The following MS4A5 variants were observed in gnomAD, a reference collection of about 807,000 sequenced individuals.
MS4A5 encodes the protein membrane-spanning 4-domains subfamily A member 5.
MS4A5 carries 15 observed loss-of-function variants against 18.2 expected under a neutral mutation model. That is an observed-to-expected ratio of 0.83 (90% confidence interval 0.55 to 1.27). The LOEUF (loss-of-function observed/expected upper bound fraction) is 1.27. Among genes scored for constraint, MS4A5 ranks in the 50% most tolerant of loss-of-function variants. The pLI is 0.00. For missense variants in MS4A5, 232 were observed against 225.7 expected, an observed-to-expected ratio of 1.03 and a Z score of -0.18; for synonymous variants, 89 against 78.7, an observed-to-expected ratio of 1.13 and a Z score of -0.69.
intron 4 of MS4A5, among the ~76,000 whole-genome samples, chr11:60,447,307 G>A (rs202218884): frequency 6.8e-4 from 95 of 139,644 alleles, no homozygotes; most frequent in South Asian, 1.7e-3. Flanking sequence ...ATCCTATGCT[G>A]TGCTATGCTA....
At chr11:60,447,114 C>CCTATGCTATCCTATG (rs2086143156) in intron 4 of MS4A5, among the ~76,000 whole-genome samples, 1 of 139,264 alleles carries the variant, frequency 7.2e-6, no homozygotes, top group East Asian at 2.0e-4. Context: ...TGTTAGCTAT[C>CCTATGCTATCCTATG]CTATGCTATC....
Position 60,442,243 on chromosome 11 carries a change from T to C in MS4A5, c.493-5406T>C, listed in dbSNP as rs369749937. Reference sequence around the variant, plus strand: ...TGTATAACATATTTTGAAGTACATATATGCATTGTGGAATGTTTACATCTA... The same window carrying C: ...TGTATAACATATTTTGAAGTACATACATGCATTGTGGAATGTTTACATCTA... On this transcript the variant is annotated intron_variant, in intron 4 of 4. Coordinates refer to ENST00000300190, the MANE Select transcript of MS4A5 (RefSeq NM_023945.3). Among the ~76,000 whole-genome samples, 107 of 152,352 alleles carry C rather than the reference T, an allele frequency of 7.0e-4. 2 individuals carry two copies. The South Asian group carries it at 0.02, about 29-fold the overall frequency.
Position 60,437,678 on chromosome 11 carries a change from GC to G in MS4A5, c.492+3763del, listed in dbSNP as rs370395809. Among the ~76,000 whole-genome samples, 1,300 of 150,844 alleles carry G rather than the reference GC, an allele frequency of 8.6e-3. 14 individuals are homozygous for G. The highest frequency in any genetic ancestry group is 0.028 in the African/African-American group (1,139 of 41,180). On this transcript the variant is annotated intron_variant, in intron 4 of 4. Coordinates refer to ENST00000300190, the MANE Select transcript of MS4A5 (RefSeq NM_023945.3). Reference sequence around the variant, plus strand: ...ACAAAGATCAAAAGAGACAAAGAAGGCCATTACATAATGGTAAAGGGATCAA... The same window carrying G: ...ACAAAGATCAAAAGAGACAAAGAAGGCATTACATAATGGTAAAGGGATCAA...
chr11:60,438,752 T>A (rs912438116), intron 4 of MS4A5, among the ~76,000 whole-genome samples: 64 of 149,510 alleles, frequency 4.3e-4, no homozygotes, highest in African/African-American at 1.5e-3. Flanking sequence ...AATAGACCAA[T>A]AACAGGAGCT....
intron 3 of MS4A5, 78 bp downstream of exon 3, chr11:60,432,545 T>A: frequency 1.1e-6 from 1 of 913,148 alleles, no homozygotes; most frequent in South Asian, 1.6e-5. Flanking sequence ...CCCAGCACTT[T>A]GGGAGGCCAA....
chr11:60,446,299 A>C (rs1483489036), intron 4 of MS4A5, among the ~76,000 whole-genome samples: 1 of 152,202 alleles, frequency 6.6e-6, no homozygotes, highest in Non-Finnish European at 1.5e-5. Flanking sequence ...CCTAAGTATA[A>C]AGTAAAGCTC....
At chr11:60,430,976 G>C in intron 2 of MS4A5, 52 bp downstream of exon 2, 1 of 1,573,520 alleles carries the variant, frequency 6.4e-7, no homozygotes, top group Non-Finnish European at 8.6e-7. Flanking sequence ...CAGGATGTTA[G>C]GGAATTCTTC....
At chr11:60,439,326 TG>T (rs1300408671) in intron 4 of MS4A5, among the ~76,000 whole-genome samples, 1 of 80,350 alleles carries the variant, frequency 1.2e-5, no homozygotes, top group Non-Finnish European at 2.4e-5. Flanking sequence ...TCATACTGAA[TG>T]GGCAAAAACT....
At chr11:60,437,725 A>G (rs922192095) in intron 4 of MS4A5, among the ~76,000 whole-genome samples, 1 of 151,784 alleles carries the variant, frequency 6.6e-6, no homozygotes, top group Non-Finnish European at 1.5e-5. Flanking sequence ...AGAGCTAACT[A>G]TCCTGAATAT....
intron 4 of MS4A5, 146 bp downstream of exon 4, chr11:60,434,063 A>G: frequency 4.0e-6 from 3 of 747,324 alleles, no homozygotes; most frequent in Non-Finnish European, 6.5e-6. Context: ...AATATTTGAT[A>G]GACATTACAC....
At chr11:60,435,552 G>A (rs905238714) in intron 4 of MS4A5, 3 of 367,276 alleles carry the variant, frequency 8.2e-6, no homozygotes, top group African/African-American at 2.1e-5. Flanking sequence ...GCCAGACAGT[G>A]GGCGCAGGTC....
At chr11:60,440,932 T>G in intron 4 of MS4A5, among the ~76,000 whole-genome samples, 1 of 114,872 alleles carries the variant, frequency 8.7e-6, no homozygotes, top group Non-Finnish European at 1.8e-5. Flanking sequence ...ACTGGGTATA[T>G]ACCCAAAGGA....
intron 1 of MS4A5, 117 bp downstream of exon 1, chr11:60,429,944 T>C: frequency 3.0e-6 from 3 of 996,828 alleles, no homozygotes; most frequent in South Asian, 1.7e-5. Flanking sequence ...TAAGACAATG[T>C]GAATATAGAG....
intron 4 of MS4A5, among the ~76,000 whole-genome samples, chr11:60,445,746 A>G (rs2086135292): frequency 6.6e-6 from 1 of 152,224 alleles, no homozygotes; most frequent in Non-Finnish European, 1.5e-5. Flanking sequence ...AGGAAACTAC[A>G]ATGGCCAAAC....
At chr11:60,443,268 A>G (rs1219302535) in intron 4 of MS4A5, among the ~76,000 whole-genome samples, 1 of 152,234 alleles carries the variant, frequency 6.6e-6, no homozygotes, top group East Asian at 1.9e-4. Context: ...AACAAAATTC[A>G]AAGAATTGAA....
chr11:60,444,586 C>T (rs1393166602), intron 4 of MS4A5, among the ~76,000 whole-genome samples: 1 of 151,754 alleles, frequency 6.6e-6, no homozygotes, highest in Non-Finnish European at 1.5e-5. Flanking sequence ...AATAAAAAGG[C>T]CAAAAAAAGA....
chr11:60,440,547 T>C (rs76993943), intron 4 of MS4A5, among the ~76,000 whole-genome samples: 13,397 of 117,502 alleles, frequency 0.11, 790 homozygotes, highest in Middle Eastern at 0.21. Flanking sequence ...GGCTAATATC[T>C]AGAATCTACA....
Position 60,430,942 on chromosome 11 carries a change from A to G in MS4A5, c.282+18A>G. 6.3e-7 allele frequency: 1 copy of G among 1,599,934 alleles called. No individual in the cohort carries two copies. Among genetic ancestry groups the G allele is most frequent in the Non-Finnish European group, 8.5e-7 (1 of 1,176,722 alleles). On this transcript the variant is annotated intron_variant, in intron 2 of 4. Transcript: ENST00000300190. Reference sequence around the variant, plus strand: ...CTGTTTTGGTGAGTATAGTCAATCAAGTTCAATTTGAAGCCATGCCAACCA... The same window carrying G: ...CTGTTTTGGTGAGTATAGTCAATCAGGTTCAATTTGAAGCCATGCCAACCA...
chr11:60,437,244 G>A (rs1285337426), intron 4 of MS4A5, among the ~76,000 whole-genome samples: 12 of 148,986 alleles, frequency 8.1e-5, no homozygotes, highest in African/African-American at 2.5e-4. Context: ...TCACCACCAG[G>A]CCTGCCTTAC....
Sources: gnomAD v4.1 joint callset for allele counts (sites outside exome capture counted in the v4.1 genomes callset) on GRCh38, gnomAD v4.1.1 for gene constraint, MANE v1.5 for transcripts, NCBI Gene and HGNC (gene_info 2026-07-23, HGNC 2026-07-21) for gene names.